Variants in ST6GALNAC3 observed in about 807,000 individuals in gnomAD.
ST6GALNAC3 encodes the protein ST6 N-acetylgalactosaminide alpha-2,6-sialyltransferase 3.
A neutral mutation model predicts 32.7 loss-of-function variants in ST6GALNAC3; 25 were observed. The observed-to-expected ratio is 0.76, with a 90% CI of 0.56 to 1.07. ST6GALNAC3 has a LOEUF of 1.07. ST6GALNAC3 is among the 50% of genes least tolerant of loss of function. The probability of loss-of-function intolerance (pLI) is 0.00; values close to 1 mark genes in which losing one functional copy is unlikely to be tolerated. For synonymous variants in ST6GALNAC3, 129 were observed against 133.1 expected, an observed-to-expected ratio of 0.97 and a Z score of 0.21; for missense variants, 355 against 382.4, an observed-to-expected ratio of 0.93 and a Z score of 0.60.
At position 76,632,046 on chromosome 1, in the gene ST6GALNAC3, AT is replaced by A. The variant is rs895499540; in HGVS notation, c.*3243del. On this transcript the variant is annotated 3_prime_UTR_variant, in exon 5 of 5. Coordinates refer to ENST00000328299, the MANE Select transcript of ST6GALNAC3 (RefSeq NM_152996.4). ...GTTTGTATATATGCACATAGAGTCT[AT>A]TTGTGTGTGTGTGAACGCACATATA... 89 of 152,228 alleles carry A rather than the reference AT, an allele frequency of 5.8e-4. No individual in the cohort carries two copies. The highest frequency in any genetic ancestry group is 1.9e-3 in the African/African-American group (77 of 41,560). The allele number at this position is 152,228 out of a possible 1,614,324, so 9.4% of individuals were successfully genotyped here. A position where few individuals can be genotyped will look rare whatever the true frequency, so the allele number is the denominator to read the frequency against.
At chr1:76,517,636 ATTAAG>A (rs917515215) in intron 3 of ST6GALNAC3, among the ~76,000 whole-genome samples, 7 of 151,768 alleles carry the variant, frequency 4.6e-5, no homozygotes, top group Admixed American at 3.9e-4. Flanking sequence ...TTTGTTGTTT[ATTAAG>A]TTGATTATTT....
intron 1 of ST6GALNAC3, among the ~76,000 whole-genome samples, chr1:76,127,753 C>T (rs1425129389): frequency 6.6e-6 from 1 of 152,104 alleles, no homozygotes; most frequent in Non-Finnish European, 1.5e-5. Flanking sequence ...GGGCTGACTG[C>T]CCACCTAGGG....
chr1:76,560,593 C>T (rs529841321), intron 3 of ST6GALNAC3, among the ~76,000 whole-genome samples: 2 of 152,174 alleles, frequency 1.3e-5, no homozygotes, highest in Non-Finnish European at 2.9e-5. Flanking sequence ...TGCTCAACAT[C>T]GCTGATCATC....
chr1:76,272,434 TA>T (rs1410362168), intron 1 of ST6GALNAC3, among the ~76,000 whole-genome samples: 2 of 152,154 alleles, frequency 1.3e-5, no homozygotes, highest in African/African-American at 4.8e-5. Flanking sequence ...CCATTCTTTT[TA>T]CAGATGAGAG....
intron 3 of ST6GALNAC3, among the ~76,000 whole-genome samples, chr1:76,601,474 G>T (rs771729688): frequency 3.5e-4 from 53 of 152,056 alleles, no homozygotes; most frequent in Non-Finnish European, 5.0e-4. Context: ...GGAAGTAAAG[G>T]AATTTATTTT....
intron 3 of ST6GALNAC3, among the ~76,000 whole-genome samples, chr1:76,571,471 T>G (rs2100493416): frequency 6.6e-6 from 1 of 152,230 alleles, no homozygotes; most frequent in South Asian, 2.1e-4. Flanking sequence ...TCACAGACTG[T>G]AGGAAACAGA....
intron 1 of ST6GALNAC3, among the ~76,000 whole-genome samples, chr1:76,101,528 C>T (rs1452264709): frequency 6.6e-6 from 1 of 152,110 alleles, no homozygotes; most frequent in African/African-American, 2.4e-5. Context: ...TTCAACACTT[C>T]CTCATGTTGA....
intron 3 of ST6GALNAC3, among the ~76,000 whole-genome samples, chr1:76,563,751 C>CA (rs1352276296): frequency 6.6e-6 from 1 of 152,036 alleles, no homozygotes; most frequent in Non-Finnish European, 1.5e-5. Flanking sequence ...ATATATGAAG[C>CA]AAAAAGTCTT....
intron 1 of ST6GALNAC3, among the ~76,000 whole-genome samples, chr1:76,086,128 G>A (rs1251577): frequency 0.22 from 33,997 of 152,132 alleles, 4,072 homozygotes; most frequent in Middle Eastern, 0.37. Context: ...CCTGCTGATT[G>A]CATATCAAAT....
At chr1:76,254,455 G>A (rs755481203) in intron 1 of ST6GALNAC3, among the ~76,000 whole-genome samples, 1 of 152,096 alleles carries the variant, frequency 6.6e-6, no homozygotes, top group Non-Finnish European at 1.5e-5. Context: ...CTCTCCTCTT[G>A]TGTTTCCATT....
At chr1:76,525,787 GTGTGTATATATATATATA>G (rs1415342145) in intron 3 of ST6GALNAC3, among the ~76,000 whole-genome samples, 1 of 71,388 alleles carries the variant, frequency 1.4e-5, no homozygotes, top group African/African-American at 4.3e-5. Context: ...GTGTGTGTGT[GTGTGTATATATATATATA>G]TATATATATA....
chr1:76,096,327 T>A (rs1342513498), intron 1 of ST6GALNAC3, among the ~76,000 whole-genome samples: 1 of 152,154 alleles, frequency 6.6e-6, no homozygotes, highest in Non-Finnish European at 1.5e-5. Context: ...AAAAAAACAA[T>A]CCTGGTGCCG....
chr1:76,579,592 T>A (rs2100541197), intron 3 of ST6GALNAC3, among the ~76,000 whole-genome samples: 1 of 152,190 alleles, frequency 6.6e-6, no homozygotes, highest in South Asian at 2.1e-4. Flanking sequence ...TGAGACTTTT[T>A]AAAACATATG....
intron 1 of ST6GALNAC3, among the ~76,000 whole-genome samples, chr1:76,199,122 T>C (rs1182307220): frequency 6.6e-6 from 1 of 152,204 alleles, no homozygotes; most frequent in African/African-American, 2.4e-5. Flanking sequence ...TCAAGTTTCA[T>C]GTGGTTCTAG....
At chr1:76,230,742 A>G (rs932800356) in intron 1 of ST6GALNAC3, among the ~76,000 whole-genome samples, 7 of 152,340 alleles carry the variant, frequency 4.6e-5, no homozygotes, top group Non-Finnish European at 8.8e-5. Context: ...GAAGAAATAC[A>G]TTAGAAAGGT....
chr1:76,408,062 A>AG (rs2101266092), intron 2 of ST6GALNAC3, among the ~76,000 whole-genome samples: 1 of 152,170 alleles, frequency 6.6e-6, no homozygotes, highest in Non-Finnish European at 1.5e-5. Context: ...TTGTCATGGC[A>AG]TACTGTAGTT....
intron 3 of ST6GALNAC3, among the ~76,000 whole-genome samples, chr1:76,502,586 C>T (rs1661237206): frequency 6.6e-6 from 1 of 152,134 alleles, no homozygotes; most frequent in Non-Finnish European, 1.5e-5. Context: ...CAGATTTCCT[C>T]CTTTTATAGA....
chr1:76,611,692 CA>C (rs1260523848), intron 3 of ST6GALNAC3, among the ~76,000 whole-genome samples: 2 of 152,018 alleles, frequency 1.3e-5, no homozygotes, highest in South Asian at 2.1e-4. Context: ...TAATGTACAG[CA>C]AAAAATAATA....
intron 1 of ST6GALNAC3, among the ~76,000 whole-genome samples, chr1:76,295,002 T>C (rs978679357): frequency 1.3e-5 from 2 of 152,082 alleles, no homozygotes; most frequent in African/African-American, 2.4e-5. Context: ...ACTCTTCCTG[T>C]TGTAATTTGT....
Sources: allele counts gnomAD v4.1 joint callset (sites outside exome capture counted in the v4.1 genomes callset), GRCh38; gene constraint gnomAD v4.1.1; transcripts MANE v1.5; gene names NCBI Gene and HGNC (gene_info 2026-07-23, HGNC 2026-07-21).